Variants in UVRAG observed in about 807,000 individuals in gnomAD.
UVRAG encodes the protein UV radiation resistance associated, also known as UV radiation resistance-associated gene protein.
UVRAG carries 19 observed loss-of-function variants against 78.0 expected under a neutral mutation model. The ratio of observed to expected loss-of-function variants is 0.24; its 90% confidence interval spans 0.17 to 0.36. The LOEUF is 0.36. UVRAG is among the 10% of genes least tolerant of loss of function. The pLI is 1.00. For missense variants in UVRAG, 740 were observed against 853.8 expected, an observed-to-expected ratio of 0.87 and a Z score of 1.66; for synonymous variants, 323 against 324.6, an observed-to-expected ratio of 1.00 and a Z score of 0.05.
intron 7 of UVRAG, among the ~76,000 whole-genome samples, chr11:75,977,854 A>AT (rs1490972887): frequency 6.6e-6 from 1 of 152,134 alleles, no homozygotes; most frequent in Non-Finnish European, 1.5e-5. Context: ...TAATTGGAGC[A>AT]TTTAGCCCAT....
At chr11:75,909,064 T>A (rs1298223709) in intron 5 of UVRAG, among the ~76,000 whole-genome samples, 1 of 152,114 alleles carries the variant, frequency 6.6e-6, no homozygotes, top group African/African-American at 2.4e-5. Context: ...GATTTGTCAA[T>A]GAGCCAGGTG....
intron 5 of UVRAG, among the ~76,000 whole-genome samples, chr11:75,894,870 G>A (rs1947307438): frequency 6.6e-6 from 1 of 151,384 alleles, no homozygotes; most frequent in South Asian, 2.1e-4. Context: ...GGAAAAAAGG[G>A]AATAAAGTAT....
intron 3 of UVRAG, among the ~76,000 whole-genome samples, chr11:75,866,792 T>C (rs1213006281): frequency 6.6e-6 from 1 of 152,222 alleles, no homozygotes; most frequent in Non-Finnish European, 1.5e-5. Flanking sequence ...ATGTCATATA[T>C]GTATGTATCC....
intron 1 of UVRAG, among the ~76,000 whole-genome samples, chr11:75,840,438 C>T (rs1046136914): frequency 1.3e-5 from 2 of 152,014 alleles, no homozygotes; most frequent in East Asian, 3.8e-4. Context: ...GTTTTGGGGC[C>T]TTTCACCAAG....
chr11:76,020,649 CTTTTT>C (rs35112254), intron 12 of UVRAG, among the ~76,000 whole-genome samples: 1 of 52,244 alleles, frequency 1.9e-5, no homozygotes. Context: ...AAGAAGGAGT[CTTTTT>C]TTTTTTTTTT....
intron 13 of UVRAG, among the ~76,000 whole-genome samples, chr11:76,102,699 G>A (rs931587846): frequency 6.6e-6 from 1 of 152,172 alleles, no homozygotes; most frequent in Non-Finnish European, 1.5e-5. Context: ...GATGTTGACT[G>A]TAGGTTTGTC....
rs1363801997 is a variant in UVRAG, at chr11:76,141,199, T to C, written c.1886T>C (p.Val629Ala). ...TCAGAAGCTGAGCTCTGCTGTACTG[T>C]GGAGCAAGCAGAAGAAATCATCGGG... ...PVSEAELCCT[V>A]EQAEEIIGLE... The change falls in exon 15 of 15, where the codon GTG (valine) becomes GCG (alanine). Residue 629 changes from valine to alanine, a missense_variant. By Grantham distance (64) the Val-to-Ala change is moderately conservative (BLOSUM62 0). Coordinates refer to ENST00000356136, the MANE Select transcript of UVRAG (RefSeq NM_003369.4). 3 of 1,613,962 alleles carry C rather than the reference T, an allele frequency of 1.9e-6. No homozygotes were observed. The highest frequency in any genetic ancestry group is 2.5e-6 in the Non-Finnish European group (3 of 1,180,008).
chr11:76,047,742 A>G (rs112467488), intron 12 of UVRAG, among the ~76,000 whole-genome samples: 2 of 152,184 alleles, frequency 1.3e-5, no homozygotes, highest in African/African-American at 2.4e-5. Context: ...GTAATATAGG[A>G]CACATCTAAT....
intron 8 of UVRAG, among the ~76,000 whole-genome samples, chr11:75,989,195 C>T (rs761428749): frequency 4.6e-5 from 7 of 152,126 alleles, no homozygotes; most frequent in Non-Finnish European, 7.4e-5. Flanking sequence ...GCTAGGATTA[C>T]AGGCGTGTAC....
chr11:75,860,500 C>T (rs1322637554), intron 2 of UVRAG, among the ~76,000 whole-genome samples: 1 of 151,898 alleles, frequency 6.6e-6, no homozygotes, highest in Non-Finnish European at 1.5e-5. Flanking sequence ...TTTTAAATCC[C>T]TTATGCTTTT....
intron 1 of UVRAG, among the ~76,000 whole-genome samples, chr11:75,817,268 G>A (rs548783050): frequency 3.9e-4 from 60 of 152,300 alleles, no homozygotes; most frequent in African/African-American, 1.4e-3. Flanking sequence ...TTTAGTTTGG[G>A]GGAGCTTCGA....
intron 6 of UVRAG, among the ~76,000 whole-genome samples, chr11:75,943,303 GTTT>G (rs754035715): frequency 1.3e-4 from 16 of 126,520 alleles, no homozygotes; most frequent in African/African-American, 4.3e-4. Context: ...CACTTTTCCT[GTTT>G]TTTTTTTTTT....
At chr11:75,881,635 G>A (rs910624213) in intron 4 of UVRAG, among the ~76,000 whole-genome samples, 1 of 152,116 alleles carries the variant, frequency 6.6e-6, no homozygotes, top group Non-Finnish European at 1.5e-5. Flanking sequence ...CTGGCTGGTT[G>A]TGAACCCCTA....
At chr11:76,089,931 T>C (rs1361887238) in intron 13 of UVRAG, among the ~76,000 whole-genome samples, 1 of 152,120 alleles carries the variant, frequency 6.6e-6, no homozygotes, top group African/African-American at 2.4e-5. Flanking sequence ...AGAAGGACCC[T>C]GGAGAAACCC....
At chr11:75,845,416 A>T (rs774399483) in intron 1 of UVRAG, among the ~76,000 whole-genome samples, 7 of 152,180 alleles carry the variant, frequency 4.6e-5, no homozygotes, top group Non-Finnish European at 1.0e-4. Flanking sequence ...TAGCAAAGAC[A>T]TGGAATCAAC....
chr11:75,924,404 G>A (rs1220610064), intron 6 of UVRAG, among the ~76,000 whole-genome samples: 1 of 141,496 alleles, frequency 7.1e-6, no homozygotes, highest in South Asian at 2.2e-4. Flanking sequence ...GTTTTTTTTT[G>A]TGACGGAGTC....
chr11:76,019,124 CTT>C (rs1950196737), intron 12 of UVRAG, among the ~76,000 whole-genome samples: 1 of 152,186 alleles, frequency 6.6e-6, no homozygotes, highest in African/African-American at 2.4e-5. Context: ...TATTAAGAGA[CTT>C]TGATGCATTC....
At position 75,974,361 on chromosome 11, in the gene UVRAG, T is replaced by G. The variant is rs1016710865; in HGVS notation, c.700-9026T>G. 4.1e-4 allele frequency among the ~76,000 whole-genome samples: 56 copies of G among 135,700 alleles called. 1 individual carries two copies. Among genetic ancestry groups the G allele is most frequent in the African/African-American group, 1.6e-3 (54 of 34,776 alleles). 89.0% of individuals were successfully genotyped at this position (135,700 alleles called of 152,430 possible). Reference sequence around the variant, plus strand: ...CTGCATAAATGTCTTCTTTTTTTTTTTTTTTTTTTTTTTTTTGAGACGGAG... The same window carrying G: ...CTGCATAAATGTCTTCTTTTTTTTTGTTTTTTTTTTTTTTTTGAGACGGAG... On this transcript the variant is annotated intron_variant, in intron 7 of 14. Coordinates refer to ENST00000356136, the MANE Select transcript of UVRAG (RefSeq NM_003369.4).
At chr11:75,852,073 A>G (rs1428978097) in intron 2 of UVRAG, 73 bp downstream of exon 2, 5 of 1,054,856 alleles carry the variant, frequency 4.7e-6, no homozygotes, top group Admixed American at 4.8e-5. Context: ...AGTGATTCTC[A>G]GTGCCTCCTG....
Sources: allele counts gnomAD v4.1 joint callset (sites outside exome capture counted in the v4.1 genomes callset), GRCh38; gene constraint gnomAD v4.1.1; transcripts MANE v1.5; gene names NCBI Gene and HGNC (gene_info 2026-07-23, HGNC 2026-07-21).